The following CTNNA1 variants were observed in gnomAD, a reference collection of about 807,000 sequenced individuals.
CTNNA1 encodes the protein catenin alpha 1.
Under a neutral mutation model 98.4 loss-of-function variants are expected in CTNNA1, and 37 were observed. The observed-to-expected ratio is 0.38, with a 90% CI of 0.29 to 0.49. The LOEUF (loss-of-function observed/expected upper bound fraction) is 0.49, where lower values mean the gene tolerates loss of function less well. Among genes scored for constraint, CTNNA1 ranks in the 20% least tolerant of loss-of-function variants. The probability of loss-of-function intolerance (pLI) is 0.95; values close to 1 mark genes in which losing one functional copy is unlikely to be tolerated. For missense variants in CTNNA1, 761 were observed against 1,147.2 expected (o/e 0.66, Z 4.86); for synonymous variants, 404 against 413.2 (o/e 0.98, Z 0.27).
At chr5:138,773,622 A>G (rs977755645) in intron 1 of CTNNA1, among the ~76,000 whole-genome samples, 9 of 145,060 alleles carry the variant, frequency 6.2e-5, no homozygotes, top group African/African-American at 2.3e-4. Flanking sequence ...GTGTTAGTGT[A>G]TTTTAAGTTT....
intron 16 of CTNNA1, 128 bp from the exon 17 acceptor site, chr5:138,932,450 G>A (rs1765573507): frequency 2.0e-6 from 3 of 1,470,434 alleles, no homozygotes; most frequent in Non-Finnish European, 2.7e-6. Flanking sequence ...AGGTAATTGG[G>A]TGATTTTGCT....
intron 3 of CTNNA1, among the ~76,000 whole-genome samples, chr5:138,808,809 A>G (rs1366979373): frequency 6.6e-6 from 1 of 151,952 alleles, no homozygotes; most frequent in East Asian, 1.9e-4. Context: ...CCAGGATTCC[A>G]AAGATAGTCT....
chr5:138,916,698 A>C (rs1161769429), intron 10 of CTNNA1, among the ~76,000 whole-genome samples: 1 of 151,366 alleles, frequency 6.6e-6, no homozygotes, highest in Non-Finnish European at 1.5e-5. Flanking sequence ...CATTTTCTTT[A>C]TTGTTTATAG....
At chr5:138,806,731 A>C (rs929325288) in intron 3 of CTNNA1, among the ~76,000 whole-genome samples, 10 of 152,062 alleles carry the variant, frequency 6.6e-5, no homozygotes, top group African/African-American at 2.2e-4. Context: ...ACTAGATATT[A>C]TGCCTCTAAG....
chr5:138,797,847 T>G (rs1757131808), intron 3 of CTNNA1, among the ~76,000 whole-genome samples: 1 of 151,142 alleles, frequency 6.6e-6, no homozygotes, highest in Non-Finnish European at 1.5e-5. Flanking sequence ...GAGAACTTCT[T>G]TAAAACAAAA....
chr5:138,776,501 CT>C (rs1350382707), intron 1 of CTNNA1, among the ~76,000 whole-genome samples: 11 of 152,352 alleles, frequency 7.2e-5, no homozygotes, highest in Admixed American at 2.0e-4. Flanking sequence ...CCTTTCCCCC[CT>C]TTTCTATTCC....
intron 4 of CTNNA1, among the ~76,000 whole-genome samples, chr5:138,810,769 A>G (rs1011221934): frequency 1.3e-5 from 2 of 152,020 alleles, no homozygotes; most frequent in African/African-American, 4.8e-5. Flanking sequence ...CAAAACCGCC[A>G]TTGTCATCAT....
chr5:138,858,128 A>T (rs571863252), intron 7 of CTNNA1, among the ~76,000 whole-genome samples: 27 of 141,718 alleles, frequency 1.9e-4, no homozygotes, highest in South Asian at 9.1e-4. Flanking sequence ...GTTAAAAAAA[A>T]TTTTTTTTTT....
At chr5:138,862,513 A>C (rs537016096) in intron 7 of CTNNA1, among the ~76,000 whole-genome samples, 19 of 152,312 alleles carry the variant, frequency 1.2e-4, no homozygotes, top group Non-Finnish European at 2.5e-4. Context: ...GTCCTATATA[A>C]TTTTACTGAA....
At chr5:138,836,071 G>A (rs1410608831) in intron 7 of CTNNA1, among the ~76,000 whole-genome samples, 1 of 152,154 alleles carries the variant, frequency 6.6e-6, no homozygotes, top group East Asian at 1.9e-4. Context: ...GGCTGGTCTC[G>A]AACACCTGGC....
intron 3 of CTNNA1, among the ~76,000 whole-genome samples, chr5:138,788,790 A>G (rs1474844468): frequency 1.3e-5 from 2 of 152,208 alleles, no homozygotes; most frequent in Non-Finnish European, 2.9e-5. Context: ...AGGCCCATTA[A>G]TGTTAAATTT....
chr5:138,893,851 T>A (rs1165921438), intron 9 of CTNNA1, among the ~76,000 whole-genome samples: 1 of 152,084 alleles, frequency 6.6e-6, no homozygotes, highest in African/African-American at 2.4e-5. Flanking sequence ...CTCGAACTCC[T>A]GACCTTGTGA....
intron 9 of CTNNA1, among the ~76,000 whole-genome samples, chr5:138,891,633 G>C (rs1024487486): frequency 6.6e-6 from 1 of 152,144 alleles, no homozygotes; most frequent in African/African-American, 2.4e-5. Context: ...GGTGGCGGGT[G>C]CCTGTAATCC....
intron 1 of CTNNA1, among the ~76,000 whole-genome samples, chr5:138,760,847 T>C (rs1752275429): frequency 6.6e-6 from 1 of 152,220 alleles, no homozygotes; most frequent in Admixed American, 6.5e-5. Context: ...GTGGTGTGAC[T>C]GTAGGCTGAC....
chr5:138,757,543 C>G (rs1003285822), intron 1 of CTNNA1, among the ~76,000 whole-genome samples: 1 of 152,146 alleles, frequency 6.6e-6, no homozygotes, highest in Non-Finnish European at 1.5e-5. Context: ...TTCTACTCTC[C>G]CAACATAACC....
intron 8 of CTNNA1, among the ~76,000 whole-genome samples, chr5:138,887,025 T>C (rs28363443): frequency 6.6e-6 from 1 of 152,256 alleles, no homozygotes; most frequent in East Asian, 1.9e-4. Context: ...GAAATGGTTA[T>C]AAAGAGAACC....
chr5:138,755,332 G>A lies in CTNNA1; in HGVS notation c.-3+1822G>A, dbSNP rs61357645. On this transcript the variant is annotated intron_variant, in intron 1 of 17. Coordinates refer to ENST00000302763, the MANE Select transcript of CTNNA1 (RefSeq NM_001903.5). ...GGCATTTGATCTGGATGAAACATGA[G>A]TCGAGTTTTTTTTAAGTGAAGGGAG... 7.6e-3 allele frequency among the ~76,000 whole-genome samples: 1,153 copies of A among 152,286 alleles called. 18 individuals carry two copies. The highest frequency in any genetic ancestry group is 0.021 in the African/African-American group (889 of 41,550).
intron 7 of CTNNA1, among the ~76,000 whole-genome samples, chr5:138,845,311 T>C (rs142379328): frequency 6.6e-6 from 1 of 152,304 alleles, no homozygotes; most frequent in Non-Finnish European, 1.5e-5. Flanking sequence ...ACTAAGCTAG[T>C]CTACTTTCTT....
intron 9 of CTNNA1, 25 bp downstream of exon 9, chr5:138,887,667 A>G (rs1257591137): frequency 1.3e-6 from 2 of 1,590,212 alleles, no homozygotes; most frequent in African/African-American, 2.7e-5. Flanking sequence ...AGTTTCATTG[A>G]CTTGTAGGCA....
Sources: allele counts gnomAD v4.1 joint callset (sites outside exome capture counted in the v4.1 genomes callset), GRCh38; gene constraint gnomAD v4.1.1; transcripts MANE v1.5; gene names NCBI Gene and HGNC (gene_info 2026-07-23, HGNC 2026-07-21).